Variants in ATP2A2 observed in about 807,000 individuals in gnomAD.
ATP2A2 encodes the protein sarcoplasmic/endoplasmic reticulum calcium ATPase 2.
A neutral mutation model predicts 109.3 loss-of-function variants in ATP2A2; 14 were observed. The ratio of observed to expected loss-of-function variants is 0.13; its 90% CI spans 0.08 to 0.20. The LOEUF (loss-of-function observed/expected upper bound fraction) is 0.20. Ranked by LOEUF, ATP2A2 falls within the 10% of genes least tolerant of loss-of-function variation. ATP2A2 has a pLI of 1.00. For missense variants in ATP2A2, 657 were observed against 1,321.6 expected (o/e 0.50, Z 7.80); for synonymous variants, 506 against 490.9 (o/e 1.03, Z -0.41).
chr12:110,322,305 T>C (rs145055138), intron 5 of ATP2A2, among the ~76,000 whole-genome samples: 326 of 152,312 alleles, frequency 2.1e-3, no homozygotes, highest in African/African-American at 7.5e-3. Context: ...AACTTGGAAA[T>C]AAACATTTTA....
At chr12:110,310,996 T>C (rs1304500366) in intron 5 of ATP2A2, among the ~76,000 whole-genome samples, 1 of 152,346 alleles carries the variant, frequency 6.6e-6, no homozygotes, top group African/African-American at 2.4e-5. Context: ...ACTATGTACA[T>C]TAACCTCTGC....
intron 11 of ATP2A2, among the ~76,000 whole-genome samples, chr12:110,335,857 C>T (rs1878790104): frequency 6.6e-6 from 1 of 152,232 alleles, no homozygotes; most frequent in African/African-American, 2.4e-5. Flanking sequence ...CAAACCACCA[C>T]CCAGGAAACA....
rs1409589169 is a variant in ATP2A2, at chr12:110,334,103, A to G, written c.1379A>G (p.Lys460Arg). ...ATGAATGTATTTGATACCGAATTGA[A>G]GGGTCTTTCTAAAATAGAACGTGCA... is the stretch of plus-strand genomic sequence containing the variant. ...EKMNVFDTEL[K>R]GLSKIERANA... Residue 460 changes from lysine (K) to arginine (R), a missense_variant, in exon 11 of 20, where the codon AAG becomes AGG. Physicochemically the swap from Lys to Arg is conservative, Grantham distance 26 (BLOSUM62 2). Transcript: ENST00000539276. 8 of 1,614,108 alleles carry G rather than the reference A, an allele frequency of 5.0e-6. No individual in the cohort carries two copies. Among genetic ancestry groups the G allele is most frequent in the Non-Finnish European group, 6.8e-6 (8 of 1,180,038 alleles).
Position 110,348,184 on chromosome 12 carries a change from A to AAACT in ATP2A2, c.*1716_*1719dup. 1.0e-6 allele frequency: 1 copy of AAACT among 985,370 alleles called. No homozygotes were observed. The highest frequency in any genetic ancestry group is 1.2e-6 in the Non-Finnish European group (1 of 829,872). The allele number at this position is 985,370 out of a possible 1,614,324, so 61.0% of individuals were successfully genotyped here. A position where few individuals can be genotyped will look rare whatever the true frequency, so the allele number is the denominator to read the frequency against. On this transcript the variant is annotated 3_prime_UTR_variant, in exon 20 of 20. Coordinates refer to ENST00000539276, the MANE Select transcript of ATP2A2 (RefSeq NM_170665.4). ...TGCTACTTATTTATTAAAAAGCTAAAAACTAGTGAAAGCAAGTAACTGAAC... is the reference window on the plus strand; with the variant it reads ...TGCTACTTATTTATTAAAAAGCTAAAAACTAACTAGTGAAAGCAAGTAACTGAAC...
chr12:110,283,801 A>G (rs145119372), intron 3 of ATP2A2, among the ~76,000 whole-genome samples: 120 of 152,280 alleles, frequency 7.9e-4, no homozygotes, highest in African/African-American at 2.7e-3. Context: ...TCTTGTACAT[A>G]TATGTATGCA....
chr12:110,334,499 A>C (rs1878640225), intron 11 of ATP2A2, among the ~76,000 whole-genome samples: 1 of 152,050 alleles, frequency 6.6e-6, no homozygotes, highest in South Asian at 2.1e-4. Flanking sequence ...CATAGGGGGA[A>C]ATAATAGTGT....
intron 2 of ATP2A2, 26 bp downstream of exon 2, chr12:110,282,647 T>C: frequency 6.2e-7 from 1 of 1,614,064 alleles, no homozygotes; most frequent in Non-Finnish European, 8.5e-7. Context: ...TGTTTCTGTT[T>C]TTTTTCCTCT....
chr12:110,337,784 C>T lies in ATP2A2; in HGVS notation c.1420-1497C>T, dbSNP rs147032820. ...ATATGATGAAACGCATCTTATCACA[C>T]CAAACTAAGACTATAAAAGTGTGTC... On this transcript the variant is annotated intron_variant, in intron 11 of 19. Transcript: ENST00000539276. 9.6e-4 allele frequency among the ~76,000 whole-genome samples: 147 copies of T among 152,334 alleles called. 1 individual carries two copies. The highest frequency in any genetic ancestry group is 3.4e-3 in the African/African-American group (142 of 41,570).
Position 110,334,212 on chromosome 12 carries a change from A to G in ATP2A2, c.1419+69A>G, listed in dbSNP as rs1024858947. The G allele has an allele frequency of 2.5e-6, 4 of 1,576,978 alleles. No individual in the cohort carries two copies. The African/African-American group carries it at 5.4e-5, about 21-fold the overall frequency. The stretch of plus-strand genomic sequence containing the variant: ...CGTACTATATATACTTAGTGTCTGC[A>G]CTGTCCTACTCTCTTAGAAAACTAA... On this transcript the variant is annotated intron_variant, in intron 11 of 19. Coordinates refer to ENST00000539276, the MANE Select transcript of ATP2A2 (RefSeq NM_170665.4).
At chr12:110,317,671 C>A (rs765892674) in intron 5 of ATP2A2, among the ~76,000 whole-genome samples, 3 of 152,186 alleles carry the variant, frequency 2.0e-5, no homozygotes, top group African/African-American at 7.2e-5. Context: ...AGCCACCATG[C>A]CCGGCTTGAA....
intron 3 of ATP2A2, among the ~76,000 whole-genome samples, chr12:110,290,013 A>G (rs1047881860): frequency 1.3e-5 from 2 of 151,960 alleles, no homozygotes; most frequent in African/African-American, 2.4e-5. Flanking sequence ...CCTCTGCCCC[A>G]TTTTCTTGGG....
intron 5 of ATP2A2, among the ~76,000 whole-genome samples, chr12:110,310,056 C>T (rs917195826): frequency 3.9e-5 from 6 of 152,030 alleles, no homozygotes; most frequent in Non-Finnish European, 5.9e-5. Flanking sequence ...AAGAAATGAA[C>T]GTCATTGTTT....
At chr12:110,346,157 T>C in intron 19 of ATP2A2, 39 bp downstream of exon 19, 1 of 1,614,174 alleles carries the variant, frequency 6.2e-7, no homozygotes, top group Non-Finnish European at 8.5e-7. Flanking sequence ...GCCACCTCCT[T>C]CCAGGGGAGG....
At position 110,348,267 on chromosome 12, in the gene ATP2A2, AC is replaced by A; in HGVS notation, c.*1804del. 9.4e-6 allele frequency: 9 copies of A among 959,666 alleles called. No homozygotes were observed. Among genetic ancestry groups the A allele is most frequent in the African/African-American group, 1.8e-5 (1 of 55,700 alleles). 59.4% of individuals were successfully genotyped at this position (959,666 alleles called of 1,614,324 possible). A position where few individuals can be genotyped will look rare whatever the true frequency, so the allele number is the denominator to read the frequency against. On this transcript the variant is annotated 3_prime_UTR_variant, in exon 20 of 20. Transcript: ENST00000539276. ...AAATAGGCCACTTCCCCACTCCCCC[AC>A]CCCCCCTTGCTTGGTCTTGTCCTTG...
chr12:110,305,601 C>G (rs1435663648), intron 5 of ATP2A2, among the ~76,000 whole-genome samples: 1 of 152,210 alleles, frequency 6.6e-6, no homozygotes. Flanking sequence ...CTCCATTGAT[C>G]TCTGTCTTTA....
rs370067725 is a variant in ATP2A2, at chr12:110,346,358, C to T, written c.3017C>T (p.Ser1006Leu). Residue 1006 changes from serine (S) to leucine (L), a missense_variant, in exon 20 of 20, where the codon TCG becomes TTG. By Grantham distance (145) the Ser-to-Leu change is moderately radical (BLOSUM62 -2). Coordinates refer to ENST00000539276, the MANE Select transcript of ATP2A2 (RefSeq NM_170665.4). ...GTGCAGCCTGCCACCAAATCCTGCT[C>T]GTTCTCGGCATGCACCGATGGGATT... ...ECVQPATKSC[S>L]FSACTDGISW... The T allele has an allele frequency of 8.7e-6, 14 of 1,614,060 alleles. No homozygotes were observed. Among genetic ancestry groups the T allele is most frequent in the African/African-American group, 5.3e-5 (4 of 74,920 alleles).
At chr12:110,328,381 A>G (rs1878011351) in intron 8 of ATP2A2, among the ~76,000 whole-genome samples, 1 of 152,000 alleles carries the variant, frequency 6.6e-6, no homozygotes, top group African/African-American at 2.4e-5. Flanking sequence ...GACCAACCTG[A>G]CCAAAATGGT....
At chr12:110,288,404 C>T (rs1334621305) in intron 3 of ATP2A2, among the ~76,000 whole-genome samples, 5 of 145,058 alleles carry the variant, frequency 3.4e-5, no homozygotes, top group South Asian at 2.2e-4. Flanking sequence ...ACAGATAATT[C>T]TTTTTTTTTT....
Position 110,281,773 on chromosome 12 carries a change from G to C in ATP2A2, c.-17G>C, listed in dbSNP as rs1323542944. 1 of 1,484,890 alleles carries C rather than the reference G, an allele frequency of 6.7e-7. No homozygotes were observed. Among genetic ancestry groups the C allele is most frequent in the Admixed American group, 2.3e-5 (1 of 43,118 alleles). The allele number at this position is 1,484,890 out of a possible 1,614,324, so 92.0% of individuals were successfully genotyped here. On this transcript the variant is annotated 5_prime_UTR_variant, in exon 1 of 20. Coordinates refer to ENST00000539276, the MANE Select transcript of ATP2A2 (RefSeq NM_170665.4). ...GCCGCGGGGACGGGAGGCGAGGCCG[G>C]CCGGGCCCCCGAAGCCATGGAGAAC...
Sources: allele counts gnomAD v4.1 joint callset (sites outside exome capture counted in the v4.1 genomes callset), GRCh38; gene constraint gnomAD v4.1.1; transcripts MANE v1.5; gene names NCBI Gene and HGNC (gene_info 2026-07-23, HGNC 2026-07-21).